The following PCDH15 variants were observed in gnomAD, a reference collection of about 807,000 sequenced individuals.
PCDH15 encodes protocadherin-15.
In PCDH15, 129 loss-of-function variants were observed where a neutral mutation model predicts 178.5. That is an observed-to-expected ratio of 0.72 (90% CI 0.63 to 0.84). The LOEUF is 0.84. PCDH15 is among the 40% of genes least tolerant of loss of function. The pLI is 0.00. For synonymous variants in PCDH15, 800 were observed against 732.0 expected (o/e 1.09, Z -1.50); for missense variants, 2,230 against 2,099.9 (o/e 1.06, Z -1.21).
At chr10:55,250,559 T>G (rs1244490707) in intron 1 of PCDH15, among the ~76,000 whole-genome samples, 1 of 130,634 alleles carries the variant, frequency 7.7e-6, no homozygotes, top group Non-Finnish European at 1.6e-5. Flanking sequence ...TTTTTTGAGA[T>G]GGAGTCTCGC....
At chr10:55,277,706 A>G (rs990509581) in intron 1 of PCDH15, among the ~76,000 whole-genome samples, 2 of 151,880 alleles carry the variant, frequency 1.3e-5, no homozygotes, top group Non-Finnish European at 2.9e-5. Flanking sequence ...CTCTGAGATG[A>G]TTTTTCTTCA....
intron 2 of PCDH15, among the ~76,000 whole-genome samples, chr10:55,024,629 T>C (rs1315004453): frequency 6.6e-6 from 1 of 152,120 alleles, no homozygotes; most frequent in Non-Finnish European, 1.5e-5. Context: ...TCTTCCTCTA[T>C]GTACCCCATC....
At chr10:54,551,568 G>C (rs896147326) in intron 2 of PCDH15, among the ~76,000 whole-genome samples, 4 of 152,048 alleles carry the variant, frequency 2.6e-5, no homozygotes, top group Admixed American at 2.0e-4. Flanking sequence ...AGCAAAATTT[G>C]ATTTTTACTT....
chr10:54,542,936 T>A (rs11004366), intron 2 of PCDH15, among the ~76,000 whole-genome samples: 1 of 152,072 alleles, frequency 6.6e-6, no homozygotes, highest in Non-Finnish European at 1.5e-5. Flanking sequence ...TACAGGTGGA[T>A]GTGGTGAGGA....
chr10:54,137,122 T>C (rs563343920), intron 14 of PCDH15, among the ~76,000 whole-genome samples: 32 of 152,222 alleles, frequency 2.1e-4, no homozygotes, highest in Admixed American at 1.9e-3. Flanking sequence ...CTGTAATAAA[T>C]AGTAGTATTT....
intron 2 of PCDH15, among the ~76,000 whole-genome samples, chr10:55,158,078 GTATATATA>G (rs1176916491): frequency 6.9e-4 from 81 of 117,174 alleles, no homozygotes; most frequent in African/African-American, 2.5e-3. Context: ...GTATGTGTGT[GTATATATA>G]TATATATATA....
intron 15 of PCDH15, among the ~76,000 whole-genome samples, chr10:54,104,623 G>A (rs978045183): frequency 6.6e-6 from 1 of 151,946 alleles, no homozygotes; most frequent in African/African-American, 2.4e-5. Flanking sequence ...AGATTACGAG[G>A]TCAGGAGATC....
intron 7 of PCDH15, among the ~76,000 whole-genome samples, chr10:54,329,089 G>A (rs1399210616): frequency 6.6e-6 from 1 of 151,860 alleles, no homozygotes; most frequent in Non-Finnish European, 1.5e-5. Context: ...AATATTAGCT[G>A]ATATCTAGTG....
At chr10:54,656,485 G>A (rs1405427357) in intron 2 of PCDH15, among the ~76,000 whole-genome samples, 1 of 152,122 alleles carries the variant, frequency 6.6e-6, no homozygotes, top group African/African-American at 2.4e-5. Flanking sequence ...AATCCATGTT[G>A]TTAACTCACA....
intron 18 of PCDH15, among the ~76,000 whole-genome samples, chr10:54,036,983 C>A (rs1236374182): frequency 6.6e-6 from 1 of 151,858 alleles, no homozygotes; most frequent in African/African-American, 2.4e-5. Flanking sequence ...AGGTTTAAGA[C>A]TTCAGTTGGA....
chr10:55,049,369 A>C (rs1841098571), intron 2 of PCDH15, among the ~76,000 whole-genome samples: 1 of 151,802 alleles, frequency 6.6e-6, no homozygotes, highest in Admixed American at 6.6e-5. Flanking sequence ...AAGCTCAAAT[A>C]TTTCCTTCTC....
intron 2 of PCDH15, among the ~76,000 whole-genome samples, chr10:54,614,536 C>T (rs2093067801): frequency 6.6e-6 from 1 of 151,922 alleles, no homozygotes; most frequent in Admixed American, 6.6e-5. Context: ...ATTTTCATGA[C>T]CAAAGTAACT....
In PCDH15 at chr10:54,946,505, G is replaced by T. The variant is rs1670834; in HGVS notation, c.-79-49005C>A. Among the ~76,000 whole-genome samples the T allele has an allele frequency of 4.4e-4, 66 of 151,402 alleles. 1 individual carries two copies. The highest frequency in any genetic ancestry group is 9.3e-4 in the Non-Finnish European group (63 of 67,714). Reference sequence around the variant, plus strand: ...AACGTTTTATTTTTACATTTGTTACGCAAAAACATACACAATGTCTAAATA... The same window carrying T: ...AACGTTTTATTTTTACATTTGTTACTCAAAAACATACACAATGTCTAAATA... On this transcript the variant is annotated intron_variant, in intron 2 of 5. Coordinates refer to the PCDH15 transcript ENST00000458638.
chr10:54,289,663 G>A (rs1187349557), intron 8 of PCDH15, among the ~76,000 whole-genome samples: 2 of 152,112 alleles, frequency 1.3e-5, no homozygotes, highest in African/African-American at 2.4e-5. Context: ...ATGGTTAGAC[G>A]AATGCCTAAC....
chr10:54,247,883 T>A (rs1475893485), intron 8 of PCDH15, among the ~76,000 whole-genome samples: 21 of 142,510 alleles, frequency 1.5e-4, no homozygotes, highest in African/African-American at 5.3e-4. Context: ...AAAAAAGAAA[T>A]ATGTATATAT....
At chr10:54,161,217 A>G (rs1363079624) in intron 13 of PCDH15, among the ~76,000 whole-genome samples, 2 of 152,204 alleles carry the variant, frequency 1.3e-5, no homozygotes, top group African/African-American at 4.8e-5. Context: ...TCAAAGAAAC[A>G]GATATATAGC....
At chr10:54,846,831 T>C (rs193197498) in intron 3 of PCDH15, among the ~76,000 whole-genome samples, 31 of 151,986 alleles carry the variant, frequency 2.0e-4, no homozygotes, top group Admixed American at 1.8e-3. Flanking sequence ...GACTAACCCT[T>C]AAGGAAAAAA....
chr10:53,849,225 T>A (rs567337483), intron 28 of PCDH15, among the ~76,000 whole-genome samples: 2 of 152,264 alleles, frequency 1.3e-5, no homozygotes, highest in East Asian at 3.9e-4. Flanking sequence ...TTTAATCTTT[T>A]TTTTTCTATG....
At chr10:54,724,973 C>T (rs541893166) in intron 1 of PCDH15, among the ~76,000 whole-genome samples, 1 of 151,126 alleles carries the variant, frequency 6.6e-6, no homozygotes, top group Non-Finnish European at 1.5e-5. Context: ...CACATACATA[C>T]ATATATTTAA....
Sources: gnomAD v4.1 joint callset for allele counts (sites outside exome capture counted in the v4.1 genomes callset) on GRCh38, gnomAD v4.1.1 for gene constraint, MANE v1.5 for transcripts, NCBI Gene and HGNC (gene_info 2026-07-23, HGNC 2026-07-21) for gene names.